XPO6: variants seen among roughly 807,000 people sequenced by gnomAD.
The protein encoded by XPO6 is exportin-6.
XPO6 carries 3 observed loss-of-function variants against 130.0 expected under a neutral mutation model. The ratio of observed to expected loss-of-function variants is 0.02; its 90% CI spans 0.01 to 0.06. The LOEUF (loss-of-function observed/expected upper bound fraction) is 0.06. Among genes scored for constraint, XPO6 ranks in the 10% least tolerant of loss-of-function variants. The pLI is 1.00. For synonymous variants in XPO6, 524 were observed against 548.9 expected (o/e 0.95, Z 0.63); for missense variants, 970 against 1,393.0 (o/e 0.70, Z 4.83).
chr16:28,195,468 C>T (rs2043843740), intron 1 of XPO6, among the ~76,000 whole-genome samples: 1 of 152,148 alleles, frequency 6.6e-6, no homozygotes, highest in Non-Finnish European at 1.5e-5. Flanking sequence ...CCCAGTCAAA[C>T]ATGGCCAGGC....
At chr16:28,117,086 T>C (rs2087083767) in intron 15 of XPO6, 1 of 491,020 alleles carries the variant, frequency 2.0e-6, no homozygotes, top group Non-Finnish European at 3.6e-6. Context: ...ATTTTACTTT[T>C]TCACAGTGAG....
chr16:28,114,484 ACTATAGT>A (rs1374052392), intron 15 of XPO6, among the ~76,000 whole-genome samples: 7 of 152,252 alleles, frequency 4.6e-5, no homozygotes, highest in Admixed American at 3.3e-4. Context: ...TTTTGTTTAC[ACTATAGT>A]CTATAAAGTG....
At chr16:28,137,805 T>C (rs2042809686) in intron 9 of XPO6, among the ~76,000 whole-genome samples, 1 of 152,190 alleles carries the variant, frequency 6.6e-6, no homozygotes, top group Non-Finnish European at 1.5e-5. Flanking sequence ...GAGGTATAAC[T>C]GATCTCCTCA....
intron 20 of XPO6, among the ~76,000 whole-genome samples, chr16:28,105,538 A>G (rs138441171): frequency 3.2e-4 from 49 of 152,178 alleles, no homozygotes; most frequent in African/African-American, 1.0e-3. Context: ...TTAAAGATTA[A>G]CTCTTATTTA....
At chr16:28,122,519 T>C (rs2087269611) in intron 13 of XPO6, among the ~76,000 whole-genome samples, 1 of 151,944 alleles carries the variant, frequency 6.6e-6, no homozygotes, top group African/African-American at 2.4e-5. Flanking sequence ...AGAGGCTAAG[T>C]AGGGAGGACT....
chr16:28,179,982 T>C (rs951072958), intron 2 of XPO6, among the ~76,000 whole-genome samples: 7 of 152,204 alleles, frequency 4.6e-5, no homozygotes, highest in African/African-American at 1.7e-4. Context: ...TGAGAAATAT[T>C]TGATTTACAA....
At position 28,107,555 on chromosome 16, in the gene XPO6, G is replaced by A; in HGVS notation, c.2464C>T (p.Leu822=). 2 of 1,614,226 alleles carry A rather than the reference G, an allele frequency of 1.2e-6. No homozygotes were observed. The highest frequency in any genetic ancestry group is 1.7e-6 in the Non-Finnish European group (2 of 1,180,042). ...TGGATAAAAGCTGGAAAGAGGGCCA[G>A]GGAGACCTGAACAGATTCCTGCAGC... ...QSLQESVQVS[L]ALFPAFIHQS... is the part of the protein sequence containing the mutation. The change falls in exon 18 of 24, where the codon CTG becomes TTG. Residue 822 remains leucine, a synonymous_variant. Coordinates refer to ENST00000304658, the MANE Select transcript of XPO6 (RefSeq NM_015171.4).
At chr16:28,190,598 T>C (rs914360365) in intron 1 of XPO6, among the ~76,000 whole-genome samples, 9 of 152,150 alleles carry the variant, frequency 5.9e-5, no homozygotes, top group Non-Finnish European at 7.3e-5. Context: ...TGACCACAGA[T>C]TGATCCTGGA....
chr16:28,137,424 T>C (rs1162315844), intron 9 of XPO6, among the ~76,000 whole-genome samples: 1 of 152,240 alleles, frequency 6.6e-6, no homozygotes, highest in Non-Finnish European at 1.5e-5. Context: ...TAATTAAGTA[T>C]GGTTTCTGAT....
At chr16:28,140,231 CAAAAA>C (rs61153494) in intron 9 of XPO6, among the ~76,000 whole-genome samples, 1 of 58,994 alleles carries the variant, frequency 1.7e-5, no homozygotes. Flanking sequence ...GACCCCATCT[CAAAAA>C]AAAAAAAAAA....
intron 6 of XPO6, among the ~76,000 whole-genome samples, chr16:28,162,080 G>T (rs2043286672): frequency 6.6e-6 from 1 of 152,192 alleles, no homozygotes; most frequent in Non-Finnish European, 1.5e-5. Flanking sequence ...ACAAGATTAT[G>T]CAAAGGCAAA....
At chr16:28,113,476 C>G (rs77104848) in intron 15 of XPO6, among the ~76,000 whole-genome samples, 2,447 of 152,340 alleles carry the variant, frequency 0.016, 36 homozygotes, top group African/African-American at 0.048. Context: ...GTCTCTCCTA[C>G]TGCTTTCCCT....
intron 12 of XPO6, among the ~76,000 whole-genome samples, chr16:28,130,684 C>T (rs537395170): frequency 6.6e-6 from 1 of 152,114 alleles, no homozygotes; most frequent in African/African-American, 2.4e-5. Flanking sequence ...CCGGACGAGC[C>T]GAGTTCTGTG....
chr16:28,111,901 T>C lies in XPO6; in HGVS notation c.2257A>G (p.Ser753Gly), dbSNP rs779587642. The C allele has an allele frequency of 4.3e-6, 7 of 1,614,164 alleles. No homozygotes were observed. Among genetic ancestry groups the C allele is most frequent in the Admixed American group, 1.7e-5 (1 of 60,018 alleles). Residue 753 changes from serine to glycine, a missense_variant, in exon 17 of 24, where the codon AGC becomes GGC. By Grantham distance (56) the Ser-to-Gly change is moderately conservative (BLOSUM62 0). This residue lies in a region of XPO6 where 936 missense variants were observed against 1,306.8 expected (regional missense o/e 0.72). Transcript: ENST00000304658. Reference sequence around the variant, plus strand: ...TCCCGGGAGAGTGCAGAGATGAGGCTGGCGTGGTTGATGGAGCGCACGGGC... The same window carrying C: ...TCCCGGGAGAGTGCAGAGATGAGGCCGGCGTGGTTGATGGAGCGCACGGGC... ...QWPVRSINHA[S>G]LISALSRDYR... is the part of the protein sequence containing the mutation.
chr16:28,194,887 C>T (rs2043835155), intron 1 of XPO6, among the ~76,000 whole-genome samples: 1 of 151,352 alleles, frequency 6.6e-6, no homozygotes, highest in African/African-American at 2.4e-5. Flanking sequence ...CACCCACCCA[C>T]CCTCTGCCTC....
intron 1 of XPO6, among the ~76,000 whole-genome samples, chr16:28,195,760 A>G (rs1243833038): frequency 6.6e-6 from 1 of 152,134 alleles, no homozygotes; most frequent in Non-Finnish European, 1.5e-5. Flanking sequence ...TCAAAAAGAA[A>G]AAGAAAGAGA....
intron 8 of XPO6, among the ~76,000 whole-genome samples, chr16:28,151,878 A>C (rs2043097090): frequency 6.6e-6 from 1 of 152,168 alleles, no homozygotes; most frequent in African/African-American, 2.4e-5. Context: ...AAACTTTAAA[A>C]ACTAAGATAA....
At chr16:28,171,245 C>T (rs1402108462) in intron 4 of XPO6, among the ~76,000 whole-genome samples, 1 of 151,742 alleles carries the variant, frequency 6.6e-6, no homozygotes, top group Non-Finnish European at 1.5e-5. Flanking sequence ...TTGAGGTCAG[C>T]AGTTCGAGAC....
intron 12 of XPO6, among the ~76,000 whole-genome samples, chr16:28,126,946 G>C (rs994407458): frequency 2.0e-5 from 3 of 152,056 alleles, no homozygotes; most frequent in African/African-American, 4.8e-5. Flanking sequence ...TAGGAGGCGA[G>C]ACTCACACTG....
Sources: gnomAD v4.1 joint callset for allele counts (sites outside exome capture counted in the v4.1 genomes callset) on GRCh38, gnomAD v4.1.1 for gene constraint, gnomAD v4.1.1 regional missense constraint, MANE v1.5 for transcripts, NCBI Gene and HGNC (gene_info 2026-07-23, HGNC 2026-07-21) for gene names.